The following OR14I1 variants were observed in gnomAD, a reference collection of about 807,000 sequenced individuals.
The protein encoded by OR14I1 is olfactory receptor family 14 subfamily I member 1, also known as olfactory receptor 14I1.
For synonymous variants in OR14I1, 118 were observed against 71.1 expected (o/e 1.66, Z -3.32); for missense variants, 279 against 181.8 (o/e 1.53, Z -3.07).
the OR14I1 span, among the ~76,000 whole-genome samples, chr1:248,687,724 G>A: frequency 6.6e-6 from 1 of 152,192 alleles, no homozygotes; most frequent in East Asian, 1.9e-4. Context: ...AGCTTTTATG[G>A]GCCAGACATA....
downstream of OR14I1, among the ~76,000 whole-genome samples, chr1:248,680,391 A>T (rs140050260): frequency 3.0e-3 from 450 of 152,312 alleles, 7 homozygotes; most frequent in Non-Finnish European, 3.9e-3. Context: ...CACAACTGCG[A>T]TGGGCTAATG....
At chr1:248,695,740 C>T in the OR14I1 span, among the ~76,000 whole-genome samples, 1 of 152,116 alleles carries the variant, frequency 6.6e-6, no homozygotes, top group Non-Finnish European at 1.5e-5. Flanking sequence ...TCTCCTACCC[C>T]GGGTGGAGGG....
the OR14I1 span, among the ~76,000 whole-genome samples, chr1:248,690,841 CAATAA>C: frequency 6.6e-6 from 1 of 151,766 alleles, no homozygotes; most frequent in Non-Finnish European, 1.5e-5. Flanking sequence ...TGAAAATCCT[CAATAA>C]AATACTGGCA....
chr1:248,694,670 C>T, the OR14I1 span, among the ~76,000 whole-genome samples: 1 of 152,164 alleles, frequency 6.6e-6, no homozygotes, highest in Admixed American at 6.5e-5. Context: ...ATGAGAATTT[C>T]AGTCACTTCT....
the OR14I1 span, chr1:248,691,718 G>A: frequency 1.3e-5 from 2 of 152,464 alleles, no homozygotes; most frequent in South Asian, 4.1e-4. Context: ...AGGCCAAAGG[G>A]ACTGTGGAGG....
chr1:248,699,286 G>A, the OR14I1 span, among the ~76,000 whole-genome samples: 16 of 152,178 alleles, frequency 1.1e-4, no homozygotes, highest in Non-Finnish European at 2.1e-4. Flanking sequence ...GAATGAGGAC[G>A]TGTGCAGTTA....
At chr1:248,687,292 C>G (rs1367769180), upstream of OR14I1, among the ~76,000 whole-genome samples, 1 of 152,174 alleles carries the variant, frequency 6.6e-6, no homozygotes, top group Non-Finnish European at 1.5e-5. Flanking sequence ...CATCACTATG[C>G]CTAGTCAGTA....
At chr1:248,701,274 C>T in the OR14I1 span, among the ~76,000 whole-genome samples, 1 of 152,134 alleles carries the variant, frequency 6.6e-6, no homozygotes, top group African/African-American at 2.4e-5. Flanking sequence ...GCCTCAGCCT[C>T]CCAAGTAGCT....
At chr1:248,686,671 T>C (rs1006240747), upstream of OR14I1, among the ~76,000 whole-genome samples, 3 of 148,668 alleles carry the variant, frequency 2.0e-5, 1 homozygote, top group African/African-American at 7.4e-5. Flanking sequence ...TTTTTTCTCA[T>C]AAAAAATTTG....
At chr1:248,681,635 G>C in exon 1 of OR14I1, 1 of 781,068 alleles carries the variant, frequency 1.3e-6, no homozygotes, top group Non-Finnish European at 2.4e-6. Context: ...GGGATTCTGA[G>C]CACCGTTGAG....
upstream of OR14I1, among the ~76,000 whole-genome samples, chr1:248,685,602 A>G (rs1661637808): frequency 6.6e-6 from 1 of 152,088 alleles, no homozygotes; most frequent in East Asian, 1.9e-4. Flanking sequence ...TCTTTCCTTG[A>G]TTCTAACACT....
the OR14I1 span, among the ~76,000 whole-genome samples, chr1:248,688,963 C>T: frequency 5.3e-5 from 8 of 152,086 alleles, no homozygotes; most frequent in Non-Finnish European, 1.5e-5. Flanking sequence ...GGGAGTGTAG[C>T]CCTTGGGGGC....
the OR14I1 span, chr1:248,692,672 A>C: frequency 3.3e-5 from 5 of 152,324 alleles, no homozygotes; most frequent in African/African-American, 9.6e-5. Flanking sequence ...TACAGTCTAC[A>C]GAACAGTGCT....
At chr1:248,693,558 TTCTTC>T in the OR14I1 span, among the ~76,000 whole-genome samples, 4 of 152,198 alleles carry the variant, frequency 2.6e-5, no homozygotes, top group African/African-American at 9.7e-5. Context: ...TTGATATATT[TTCTTC>T]TCTTCTGCTT....
the OR14I1 span, among the ~76,000 whole-genome samples, chr1:248,690,394 G>A: frequency 2.0e-5 from 3 of 151,878 alleles, no homozygotes; most frequent in Non-Finnish European, 2.9e-5. Flanking sequence ...TGGTAAAGGG[G>A]ATATCACCAC....
the OR14I1 span, among the ~76,000 whole-genome samples, chr1:248,688,572 C>A: frequency 5.9e-5 from 9 of 152,220 alleles, no homozygotes; most frequent in African/African-American, 2.2e-4. Flanking sequence ...GCCTGACTCA[C>A]CATGGTTACT....
At chr1:248,685,117 T>G (rs1442916005), upstream of OR14I1, among the ~76,000 whole-genome samples, 2 of 152,070 alleles carry the variant, frequency 1.3e-5, no homozygotes, top group Non-Finnish European at 2.9e-5. Flanking sequence ...TAAAATTCAG[T>G]GAAAAAAGCT....
chr1:248,682,473 A>C (rs768265985), upstream of OR14I1, among the ~76,000 whole-genome samples: 1 of 152,232 alleles, frequency 6.6e-6, no homozygotes, highest in Non-Finnish European at 1.5e-5. Context: ...GATTTTTAAC[A>C]TGGAAAGATC....
At chr1:248,700,848 G>A in the OR14I1 span, among the ~76,000 whole-genome samples, 1 of 152,152 alleles carries the variant, frequency 6.6e-6, no homozygotes, top group Non-Finnish European at 1.5e-5. Flanking sequence ...TGAATTTAAT[G>A]AACTTGTGTT....
Sources: allele counts gnomAD v4.1 joint callset (sites outside exome capture counted in the v4.1 genomes callset), GRCh38; gene constraint gnomAD v4.1.1; transcripts MANE v1.5; gene names NCBI Gene and HGNC (gene_info 2026-07-23, HGNC 2026-07-21).